Variants in CPQ observed in about 807,000 individuals in gnomAD.
CPQ encodes the protein carboxypeptidase Q.
A neutral mutation model predicts 45.7 loss-of-function variants in CPQ; 37 were observed. The ratio of observed to expected loss-of-function variants is 0.81; its 90% CI spans 0.62 to 1.07. CPQ has a LOEUF of 1.07. Ranked by LOEUF, CPQ falls within the 50% of genes least tolerant of loss-of-function variation. CPQ has a pLI of 0.00. For synonymous variants in CPQ, 186 were observed against 205.8 expected (o/e 0.90, Z 0.82); for missense variants, 537 against 572.9 (o/e 0.94, Z 0.64).
Position 96,787,993 on chromosome 8 carries a change from A to G in CPQ, c.433+2663A>G, listed in dbSNP as rs79039417. ...TTTATTCATCTTTATCTCTTTGCTTAACCTTCAGTTTTGAAAGATAGTTTT... is the reference window on the plus strand; with the variant it reads ...TTTATTCATCTTTATCTCTTTGCTTGACCTTCAGTTTTGAAAGATAGTTTT... On this transcript the variant is annotated intron_variant, in intron 2 of 7. Transcript: ENST00000220763. Among the ~76,000 whole-genome samples, 401 of 152,088 alleles carry G rather than the reference A, an allele frequency of 2.6e-3. 14 individuals are homozygous for G. The East Asian group carries it at 0.066, about 25-fold the overall frequency.
At chr8:96,959,076 C>T (rs761817521) in intron 4 of CPQ, among the ~76,000 whole-genome samples, 27 of 152,120 alleles carry the variant, frequency 1.8e-4, no homozygotes, top group Non-Finnish European at 3.4e-4. Flanking sequence ...AACATAGTCC[C>T]TTTTGTCTGT....
chr8:96,770,882 G>A (rs1810534071), intron 1 of CPQ, among the ~76,000 whole-genome samples: 1 of 148,900 alleles, frequency 6.7e-6, no homozygotes, highest in Non-Finnish European at 1.5e-5. Context: ...TACAATTAGG[G>A]AGGAGAAGTG....
chr8:96,965,888 T>C, intron 4 of CPQ, 47 bp from the exon 5 acceptor site: 3 of 1,223,906 alleles, frequency 2.5e-6, no homozygotes, highest in South Asian at 1.5e-5. Context: ...CTCTTTGATG[T>C]CATTTTTGCT....
chr8:96,880,573 A>G (rs191248907), intron 4 of CPQ, among the ~76,000 whole-genome samples: 1,732 of 108,688 alleles, frequency 0.016, 63 homozygotes, highest in South Asian at 0.019. Flanking sequence ...ATATATATAT[A>G]TATACCATGG....
intron 1 of CPQ, among the ~76,000 whole-genome samples, chr8:96,777,823 G>A (rs1810636196): frequency 9.1e-6 from 1 of 110,192 alleles, no homozygotes; most frequent in Admixed American, 1.3e-4. Context: ...CTGCCTCCCT[G>A]GTTCACACCA....
At chr8:96,937,516 G>A (rs991729407) in intron 4 of CPQ, among the ~76,000 whole-genome samples, 1 of 152,118 alleles carries the variant, frequency 6.6e-6, no homozygotes, top group African/African-American at 2.4e-5. Context: ...AGCAAGAGAG[G>A]AGATAGTAGT....
chr8:96,656,561 C>T (rs921741368), intron 1 of CPQ, among the ~76,000 whole-genome samples: 1 of 152,132 alleles, frequency 6.6e-6, no homozygotes, highest in African/African-American at 2.4e-5. Context: ...TGGGCAGGGC[C>T]TTAGAGTGGG....
At chr8:97,042,032 A>G (rs972826235) in intron 6 of CPQ, among the ~76,000 whole-genome samples, 5 of 151,844 alleles carry the variant, frequency 3.3e-5, no homozygotes, top group African/African-American at 4.8e-5. Context: ...CTCTTTTTCT[A>G]TTGATTGGAA....
chr8:96,663,467 C>T (rs1808873208), intron 1 of CPQ, among the ~76,000 whole-genome samples: 1 of 152,170 alleles, frequency 6.6e-6, no homozygotes, highest in Admixed American at 6.5e-5. Flanking sequence ...CTTTCTGGGC[C>T]TGATCTTGTC....
intron 7 of CPQ, among the ~76,000 whole-genome samples, chr8:97,078,835 T>TCACCCAGGCTGGAGTG (rs1810899591): frequency 6.7e-6 from 1 of 149,794 alleles, no homozygotes; most frequent in African/African-American, 2.5e-5. Flanking sequence ...AGATGGGATC[T>TCACCCAGGCTGGAGTG]CACCCAGGCT....
chr8:97,079,767 G>A (rs1252005275), intron 7 of CPQ, among the ~76,000 whole-genome samples: 3 of 152,178 alleles, frequency 2.0e-5, no homozygotes, highest in Admixed American at 6.5e-5. Context: ...TGTGCTGGAT[G>A]TAGAGGGAAT....
intron 5 of CPQ, among the ~76,000 whole-genome samples, chr8:96,989,461 C>A (rs1809051152): frequency 1.3e-5 from 1 of 77,884 alleles, no homozygotes; most frequent in Non-Finnish European, 2.5e-5. Context: ...GGGACAGGAG[C>A]AGAGCGGAGG....
chr8:96,907,927 A>C (rs1319934858), intron 4 of CPQ, among the ~76,000 whole-genome samples: 2 of 152,092 alleles, frequency 1.3e-5, no homozygotes, highest in Non-Finnish European at 2.9e-5. Context: ...AATGAATCTC[A>C]AATGTGACTT....
At chr8:97,037,355 T>A (rs1446613455) in intron 6 of CPQ, among the ~76,000 whole-genome samples, 2 of 152,246 alleles carry the variant, frequency 1.3e-5, no homozygotes, top group African/African-American at 4.8e-5. Flanking sequence ...CATGTTGAGC[T>A]CTGGTTATAC....
intron 2 of CPQ, among the ~76,000 whole-genome samples, chr8:96,802,689 A>G (rs763761079): frequency 3.3e-5 from 5 of 152,138 alleles, no homozygotes; most frequent in Non-Finnish European, 1.5e-5. Context: ...TAGGTCTGCT[A>G]TTGGTAAATG....
intron 4 of CPQ, among the ~76,000 whole-genome samples, chr8:96,962,636 G>C (rs753643200): frequency 2.0e-5 from 3 of 152,184 alleles, no homozygotes; most frequent in Non-Finnish European, 2.9e-5. Context: ...CCTGACATAA[G>C]GGAGATTTTC....
At chr8:97,094,986 A>C (rs1811186831) in intron 7 of CPQ, among the ~76,000 whole-genome samples, 2 of 152,152 alleles carry the variant, frequency 1.3e-5, no homozygotes, top group African/African-American at 4.8e-5. Flanking sequence ...AAGCATTGAC[A>C]TAGTTGACCA....
chr8:96,736,707 C>T (rs1281782255), intron 1 of CPQ, among the ~76,000 whole-genome samples: 1 of 152,150 alleles, frequency 6.6e-6, no homozygotes, highest in Non-Finnish European at 1.5e-5. Context: ...ATGAAGCTAT[C>T]ATATCTGGCC....
Position 96,782,024 on chromosome 8 carries a change from G to T in CPQ, c.-34-2840G>T, listed in dbSNP as rs559862981. Among the ~76,000 whole-genome samples the T allele has an allele frequency of 1.4e-3, 218 of 152,286 alleles. 4 individuals carry two copies. The highest frequency in any genetic ancestry group is 0.011 in the Admixed American group (169 of 15,300). On this transcript the variant is annotated intron_variant, in intron 1 of 7. Transcript: ENST00000220763. ...GGACTTGGAGAGCCCTGCACCTATGGCTTTGCTGGAACGTTGGAGTCTTAT... is the reference window on the plus strand; with the variant it reads ...GGACTTGGAGAGCCCTGCACCTATGTCTTTGCTGGAACGTTGGAGTCTTAT...
Sources: gnomAD v4.1 joint callset for allele counts (sites outside exome capture counted in the v4.1 genomes callset) on GRCh38, gnomAD v4.1.1 for gene constraint, MANE v1.5 for transcripts, NCBI Gene and HGNC (gene_info 2026-07-23, HGNC 2026-07-21) for gene names.